The following KANK1 variants were observed in gnomAD, a reference collection of about 807,000 sequenced individuals.
The protein encoded by KANK1 is KN motif and ankyrin repeat domain-containing protein 1.
Under a neutral mutation model 106.2 loss-of-function variants are expected in KANK1, and 109 were observed. That is an observed-to-expected ratio of 1.03 (90% CI 0.88 to 1.20). The LOEUF (loss-of-function observed/expected upper bound fraction) is 1.20, where lower values mean the gene tolerates loss of function less well. Ranked by LOEUF, KANK1 falls within the 50% of genes most tolerant of loss-of-function variation. The pLI, the probability that KANK1 is intolerant of heterozygous loss-of-function variation, is 0.00. For synonymous variants in KANK1, 873 were observed against 652.2 expected (o/e 1.34, Z -5.16); for missense variants, 2,399 against 1,710.7 (o/e 1.40, Z -7.10).
rs148305166 is a variant in KANK1, at chr9:687,869, T to C, written c.37+10860T>C. On this transcript the variant is annotated intron_variant, in intron 2 of 11. Coordinates refer to ENST00000382297, the MANE Select transcript of KANK1 (RefSeq NM_015158.5). Reference sequence around the variant, plus strand: ...ACGGTTGTGTGCGTCACTAATCTTATAAACTTGAGTGTTTTAAGAGGCAAG... The same window carrying C: ...ACGGTTGTGTGCGTCACTAATCTTACAAACTTGAGTGTTTTAAGAGGCAAG... Among the ~76,000 whole-genome samples, 17 of 152,354 alleles carry C rather than the reference T, an allele frequency of 1.1e-4. No homozygotes were observed. In the East Asian group the frequency reaches 1.7e-3, roughly 16 times the overall value.
At chr9:646,201 A>G (rs1463808251) in intron 1 of KANK1, among the ~76,000 whole-genome samples, 1 of 150,846 alleles carries the variant, frequency 6.6e-6, no homozygotes, top group African/African-American at 2.5e-5. Flanking sequence ...ATATTTAAAA[A>G]TAAATTGTAA....
intron 1 of KANK1, among the ~76,000 whole-genome samples, chr9:530,469 C>CCATT (rs1414721414): frequency 6.6e-6 from 1 of 152,052 alleles, no homozygotes. Context: ...TATTAATAGT[C>CCATT]CATTTTCCCT....
chr9:604,615 T>G (rs1452537746), intron 1 of KANK1, among the ~76,000 whole-genome samples: 1 of 151,756 alleles, frequency 6.6e-6, no homozygotes, highest in African/African-American at 2.4e-5. Flanking sequence ...GCAGATCACT[T>G]GAGGTCAGGA....
chr9:627,509 T>A (rs1033843013), intron 1 of KANK1, among the ~76,000 whole-genome samples: 1 of 152,206 alleles, frequency 6.6e-6, no homozygotes, highest in African/African-American at 2.4e-5. Context: ...GAATTTAATC[T>A]CTTCTCCAAA....
Position 491,119 on chromosome 9 carries a change from C to A in KANK1, c.-362+17846C>A, listed in dbSNP as rs541635054. The stretch of plus-strand genomic sequence containing the variant: ...GGACCACAGGCATGTGTTACCATGC[C>A]CCATCTAATTTTTAAACATTTTGTA... On this transcript the variant is annotated intron_variant, in intron 3 of 15. Coordinates refer to the KANK1 transcript ENST00000382303. Among the ~76,000 whole-genome samples, 180 of 151,624 alleles carry A rather than the reference C, an allele frequency of 1.2e-3. 1 individual carries two copies. Among genetic ancestry groups the A allele is most frequent in the Non-Finnish European group, 2.2e-3 (148 of 67,880 alleles).
chr9:706,840 G>T, intron 2 of KANK1: 1 of 985,520 alleles, frequency 1.0e-6, no homozygotes. Flanking sequence ...GGTGACCGAG[G>T]GCTGGGCAGG....
At chr9:677,101 G>GTT (rs1816564920) in intron 2 of KANK1, 92 bp downstream of exon 2, 1 of 1,185,672 alleles carries the variant, frequency 8.4e-7, no homozygotes, top group African/African-American at 1.5e-5. Flanking sequence ...ATAATAGCAA[G>GTT]TTGCCTAGAT....
chr9:498,527 T>C (rs2058492820), intron 3 of KANK1, among the ~76,000 whole-genome samples: 1 of 152,212 alleles, frequency 6.6e-6, no homozygotes, highest in Admixed American at 6.5e-5. Flanking sequence ...TTTTAAATCA[T>C]ATATCAGATA....
chr9:673,994 T>A (rs1477697557), intron 1 of KANK1: 1 of 152,096 alleles, frequency 6.6e-6, no homozygotes, highest in African/African-American at 2.4e-5. Flanking sequence ...CCCTCTCTGG[T>A]CTTCCCAGTC....
chr9:716,452 C>G (rs1175068995), intron 3 of KANK1, among the ~76,000 whole-genome samples: 1 of 152,152 alleles, frequency 6.6e-6, no homozygotes, highest in African/African-American at 2.4e-5. Flanking sequence ...CTTCATTATT[C>G]TGGGTGATGC....
In KANK1 at chr9:711,176, ATCGACAGC is replaced by A; in HGVS notation, c.412_419del (p.Arg138AlafsTer11). On this transcript the variant is annotated frameshift_variant, in exon 3 of 12. Transcript: ENST00000382297. LOFTEE classifies it high-confidence loss of function. ...CTCCCTTTTCTTACCATCCCAGAAA[ATCGACAGC>A]TGCCACCTCCCTCACCACAACTCCC... The A allele has an allele frequency of 6.2e-7, 1 of 1,614,122 alleles. No homozygotes were observed. Among genetic ancestry groups the A allele is most frequent in the Non-Finnish European group, 8.5e-7 (1 of 1,180,032 alleles).
chr9:658,981 G>GTAC (rs71491962), intron 1 of KANK1, among the ~76,000 whole-genome samples: 269 of 152,184 alleles, frequency 1.8e-3, no homozygotes, highest in Middle Eastern at 0.01. Context: ...CTAAGGAAGG[G>GTAC]TACCTCTGTT....
At position 711,465 on chromosome 9, in the gene KANK1, C is replaced by T. The variant is rs762344407; in HGVS notation, c.699C>T (p.Ser233=). ...GSYAPAAPTT[S]SMGSSIRHSP... ...ATGCCCCAGCTGCTCCCACCACTTC[C>T]TCCATGGGGAGCTCCATCCGCCACA... The change falls in exon 3 of 12, where the codon TCC becomes TCT. Residue 233 remains serine, a synonymous_variant. Transcript: ENST00000382297. The T allele has an allele frequency of 1.2e-5, 20 of 1,614,160 alleles. No individual in the cohort carries two copies. The highest frequency in any genetic ancestry group is 1.6e-5 in the Non-Finnish European group (19 of 1,180,022).
intron 6 of KANK1, 153 bp downstream of exon 6, chr9:732,770 C>T (rs894109661): frequency 3.8e-6 from 3 of 784,716 alleles, no homozygotes; most frequent in East Asian, 2.7e-5. Context: ...TATACAAGTG[C>T]AGAGTATTAC....
At chr9:585,620 T>A (rs1025762383) in intron 1 of KANK1, among the ~76,000 whole-genome samples, 1 of 152,220 alleles carries the variant, frequency 6.6e-6, no homozygotes, top group African/African-American at 2.4e-5. Context: ...CAAATAGTCT[T>A]TGTCAGCTGG....
intron 1 of KANK1, among the ~76,000 whole-genome samples, chr9:661,141 T>A (rs10975624): frequency 0.84 from 127,132 of 151,642 alleles, 53,439 homozygotes; most frequent in East Asian, 0.97. Context: ...ACCCCTTTTT[T>A]AAATTTAAGT....
At chr9:729,673 G>A (rs1048930256) in intron 3 of KANK1, among the ~76,000 whole-genome samples, 11 of 152,194 alleles carry the variant, frequency 7.2e-5, no homozygotes, top group African/African-American at 1.2e-4. Flanking sequence ...CTTTTTAGGC[G>A]TTGTCACATT....
chr9:701,393 C>T (rs901382507), intron 2 of KANK1, among the ~76,000 whole-genome samples: 13 of 152,194 alleles, frequency 8.5e-5, no homozygotes, highest in East Asian at 7.7e-4. Flanking sequence ...CATGAGCCTC[C>T]GCGCCCAATG....
rs1479589018 is a variant in KANK1 at position 711,147 on chromosome 9, C to T, written c.381C>T (p.Thr127=). 1.2e-6 allele frequency: 2 copies of T among 1,614,176 alleles called. No individual in the cohort carries two copies. The highest frequency in any genetic ancestry group is 1.3e-5 in the African/African-American group (1 of 75,040). ...CAAAGCCACCTCCCCCTCTGGAGAC[C>T]TCACTCCCTTTTCTTACCATCCCAG... ...PISKPPPPLE[T]SLPFLTIPEN... is the part of the protein sequence containing the mutation. The change falls in exon 3 of 12, where the codon ACC becomes ACT. Residue 127 remains threonine, a synonymous_variant. Transcript: ENST00000382297.
Sources: gnomAD v4.1 joint callset for allele counts (sites outside exome capture counted in the v4.1 genomes callset) on GRCh38, gnomAD v4.1.1 for gene constraint, MANE v1.5 for transcripts, NCBI Gene and HGNC (gene_info 2026-07-23, HGNC 2026-07-21) for gene names.